Variants in SAMD4A observed in about 807,000 individuals in gnomAD.
The protein encoded by SAMD4A is sterile alpha motif domain containing 4A.
Under a neutral mutation model 81.3 loss-of-function variants are expected in SAMD4A, and 33 were observed. The ratio of observed to expected loss-of-function variants is 0.41; its 90% CI spans 0.31 to 0.54. The LOEUF (loss-of-function observed/expected upper bound fraction) is 0.54. Ranked by LOEUF, SAMD4A falls within the 20% of genes least tolerant of loss-of-function variation. The pLI, the probability that SAMD4A is intolerant of heterozygous loss-of-function variation, is 0.37. For synonymous variants in SAMD4A, 389 were observed against 382.1 expected (o/e 1.02, Z -0.21); for missense variants, 854 against 951.1 (o/e 0.90, Z 1.34).
intron 2 of SAMD4A, among the ~76,000 whole-genome samples, chr14:54,581,672 G>A (rs993275155): frequency 6.6e-6 from 1 of 152,202 alleles, no homozygotes; most frequent in Non-Finnish European, 1.5e-5. Context: ...ATTCCAGTAT[G>A]AGTGGTCATG....
chr14:54,725,108 T>A (rs941477155), intron 3 of SAMD4A, among the ~76,000 whole-genome samples: 1 of 152,190 alleles, frequency 6.6e-6, no homozygotes, highest in Non-Finnish European at 1.5e-5. Context: ...CTCCAACCTC[T>A]TGCTTTGCAT....
intron 2 of SAMD4A, among the ~76,000 whole-genome samples, chr14:54,593,522 AT>A (rs763652460): frequency 8.5e-5 from 13 of 152,190 alleles, no homozygotes; most frequent in South Asian, 2.1e-4. Context: ...TTTCTAGGTG[AT>A]TTAGGGGCAA....
intron 2 of SAMD4A, among the ~76,000 whole-genome samples, chr14:54,700,248 A>G (rs2036679719): frequency 6.6e-6 from 1 of 152,162 alleles, no homozygotes; most frequent in Admixed American, 6.5e-5. Context: ...ATGGAGGGGC[A>G]GATGCTATTT....
At chr14:54,578,752 A>G (rs915382588) in intron 2 of SAMD4A, among the ~76,000 whole-genome samples, 1 of 152,146 alleles carries the variant, frequency 6.6e-6, no homozygotes, top group Non-Finnish European at 1.5e-5. Flanking sequence ...CTTGATTTCC[A>G]GTGTATTCCT....
intron 2 of SAMD4A, among the ~76,000 whole-genome samples, chr14:54,583,394 T>C (rs2033529268): frequency 6.6e-6 from 1 of 152,184 alleles, no homozygotes; most frequent in African/African-American, 2.4e-5. Context: ...GAATTAGCAG[T>C]GCCCCGAGAA....
chr14:54,784,336 C>A lies in SAMD4A; in HGVS notation c.2045-201C>A. 3 of 1,551,672 alleles carry A rather than the reference C, an allele frequency of 1.9e-6. No homozygotes were observed. In the South Asian group the frequency reaches 3.6e-5, roughly 18 times the overall value. On this transcript the variant is annotated intron_variant, in intron 11 of 12. Coordinates refer to ENST00000554335, the MANE Select transcript of SAMD4A (RefSeq NM_015589.6). ...AGCTATTTTTAGTCTCCGTTTTGTT[C>A]CAGGTTCCCAAGTTCACAGTGGACT...
chr14:54,575,930 A>C (rs936169268), intron 2 of SAMD4A, among the ~76,000 whole-genome samples: 1 of 150,814 alleles, frequency 6.6e-6, no homozygotes, highest in African/African-American at 2.4e-5. Flanking sequence ...AATATGCTGA[A>C]ATTTCCAGGC....
intron 2 of SAMD4A, among the ~76,000 whole-genome samples, chr14:54,655,597 G>A (rs548226184): frequency 8.5e-5 from 13 of 152,062 alleles, no homozygotes; most frequent in Non-Finnish European, 1.2e-4. Flanking sequence ...AATTAGCCGG[G>A]CATGGTGGCG....
At chr14:54,686,932 A>T (rs1594811104) in intron 2 of SAMD4A, among the ~76,000 whole-genome samples, 1 of 152,282 alleles carries the variant, frequency 6.6e-6, no homozygotes, top group South Asian at 2.1e-4. Flanking sequence ...GCCCTGGCCC[A>T]TCAGTTGTTT....
intron 2 of SAMD4A, among the ~76,000 whole-genome samples, chr14:54,629,018 A>G (rs1281142146): frequency 1.3e-5 from 2 of 152,162 alleles, no homozygotes; most frequent in Non-Finnish European, 2.9e-5. Flanking sequence ...CCTTCTTTGG[A>G]AATAGGGTCT....
intron 2 of SAMD4A, among the ~76,000 whole-genome samples, chr14:54,689,210 G>A (rs1177103514): frequency 6.6e-6 from 1 of 152,088 alleles, no homozygotes; most frequent in Non-Finnish European, 1.5e-5. Context: ...TGGGATTACA[G>A]GCATGAGCCA....
chr14:54,699,173 A>C (rs2036650000), intron 2 of SAMD4A, among the ~76,000 whole-genome samples: 1 of 152,186 alleles, frequency 6.6e-6, no homozygotes, highest in African/African-American at 2.4e-5. Flanking sequence ...TCTTGGGCTT[A>C]ATGAATAGAT....
At chr14:54,717,440 CAAAA>C (rs921636353) in intron 3 of SAMD4A, among the ~76,000 whole-genome samples, 4 of 98,876 alleles carry the variant, frequency 4.0e-5, no homozygotes, top group Admixed American at 2.2e-4. Context: ...GACCCTGTCT[CAAAA>C]AAAAAAAAAA....
chr14:54,583,625 G>C (rs531829571), intron 2 of SAMD4A, among the ~76,000 whole-genome samples: 2 of 152,254 alleles, frequency 1.3e-5, no homozygotes, highest in South Asian at 4.1e-4. Context: ...GTAGTTGGCG[G>C]AATCAGCTCA....
rs2037708824 is a variant in SAMD4A at position 54,736,920 on chromosome 14, A to G, written c.716-104A>G. 8 of 1,322,068 alleles carry G rather than the reference A, an allele frequency of 6.1e-6. No homozygotes were observed. The South Asian group carries it at 8.7e-5, about 14-fold the overall frequency. The allele number at this position is 1,322,068 out of a possible 1,614,324, so 81.9% of individuals were successfully genotyped here. ...TGCTGTGACCATGGATGGAGTTGTA[A>G]GACAGTTAGTGGTATCTCTCAGGGT... On this transcript the variant is annotated intron_variant, in intron 3 of 12. Transcript: ENST00000554335.
intron 11 of SAMD4A, among the ~76,000 whole-genome samples, chr14:54,780,959 C>T (rs1035562029): frequency 3.9e-5 from 6 of 151,966 alleles, no homozygotes; most frequent in Admixed American, 2.0e-4. Context: ...CTTTTGTTAC[C>T]ATCCTCCCCC....
In SAMD4A at chr14:54,748,459, C is replaced by G. The variant is rs191465780; in HGVS notation, c.980-356C>G. The stretch of plus-strand genomic sequence containing the variant: ...CCCTGCCATCTTTTTGGTCATGAAC[C>G]CCTTTGGGAATCTTATAGAAGCTAT... On this transcript the variant is annotated intron_variant, in intron 4 of 12. Coordinates refer to ENST00000554335, the MANE Select transcript of SAMD4A (RefSeq NM_015589.6). 1.4e-4 allele frequency among the ~76,000 whole-genome samples: 21 copies of G among 152,286 alleles called. No individual in the cohort carries two copies. In the East Asian group the frequency reaches 4.1e-3, roughly 29 times the overall value.
chr14:54,568,201 G>C, intron 2 of SAMD4A, 89 bp downstream of exon 2: 2 of 1,211,960 alleles, frequency 1.7e-6, no homozygotes, highest in Non-Finnish European at 2.1e-6. Flanking sequence ...GCCGAGGCCA[G>C]TCCCTGCCAG....
intron 5 of SAMD4A, among the ~76,000 whole-genome samples, chr14:54,750,276 G>T (rs1402500652): frequency 3.3e-5 from 5 of 152,148 alleles, no homozygotes; most frequent in Non-Finnish European, 5.9e-5. Flanking sequence ...TATACCCCCA[G>T]TGTTTCATCT....
Sources: allele counts gnomAD v4.1 joint callset (sites outside exome capture counted in the v4.1 genomes callset), GRCh38; gene constraint gnomAD v4.1.1; transcripts MANE v1.5; gene names NCBI Gene and HGNC (gene_info 2026-07-23, HGNC 2026-07-21).